SYCP1: variants seen among roughly 807,000 people sequenced by gnomAD.
SYCP1 encodes the protein cancer/testis antigen 8.
A neutral mutation model predicts 153.1 loss-of-function variants in SYCP1; 64 were observed. That is an observed-to-expected ratio of 0.42 (90% CI 0.34 to 0.51). SYCP1 has a LOEUF of 0.51. Among genes scored for constraint, SYCP1 ranks in the 20% least tolerant of loss-of-function variants. SYCP1 has a pLI of 0.06. For missense variants in SYCP1, 997 were observed against 1,049.0 expected, an observed-to-expected ratio of 0.95 and a Z score of 0.68; for synonymous variants, 384 against 341.8, an observed-to-expected ratio of 1.12 and a Z score of -1.36.
intron 27 of SYCP1, among the ~76,000 whole-genome samples, chr1:114,968,851 T>C (rs1423592419): frequency 6.6e-6 from 1 of 152,162 alleles, no homozygotes. Flanking sequence ...AGACCTTCAG[T>C]TGGGGTTTTT....
chr1:114,885,771 T>C, intron 13 of SYCP1, 142 bp downstream of exon 13: 1 of 557,430 alleles, frequency 1.8e-6, no homozygotes, highest in Non-Finnish European at 3.1e-6. Flanking sequence ...TGCAAAATGC[T>C]ATAGTTTAGA....
In SYCP1 at chr1:114,936,184, C is replaced by T. The variant is rs368160990; in HGVS notation, c.1927-8155C>T. Among the ~76,000 whole-genome samples, 78 of 152,278 alleles carry T rather than the reference C, an allele frequency of 5.1e-4. 2 individuals carry two copies. Among genetic ancestry groups the T allele is most frequent in the Middle Eastern group, 6.8e-3 (2 of 294 alleles). On this transcript the variant is annotated intron_variant, in intron 23 of 31. Coordinates refer to ENST00000369522, the MANE Select transcript of SYCP1 (RefSeq NM_003176.4). The stretch of plus-strand genomic sequence containing the variant: ...TACTGGCAAACCAAATCCAGCAGCA[C>T]ATCACAAAGCTTATCCACCACAATC...
chr1:114,893,958 G>A (rs1368808185), intron 15 of SYCP1, among the ~76,000 whole-genome samples: 1 of 150,326 alleles, frequency 6.7e-6, no homozygotes, highest in African/African-American at 2.4e-5. Context: ...TTGAATTAGT[G>A]TGAGTTGTTT....
intron 23 of SYCP1, among the ~76,000 whole-genome samples, chr1:114,927,932 T>C (rs896135113): frequency 5.9e-5 from 9 of 152,104 alleles, no homozygotes; most frequent in Non-Finnish European, 7.4e-5. Flanking sequence ...GTGATCCTCC[T>C]ACCTCAGCCT....
chr1:114,973,593 C>G (rs1355031535), intron 27 of SYCP1, among the ~76,000 whole-genome samples: 1 of 152,024 alleles, frequency 6.6e-6, no homozygotes, highest in Non-Finnish European at 1.5e-5. Context: ...TATATTGTGG[C>G]TCTCTTACTG....
Position 114,920,966 on chromosome 1 carries a change from T to A in SYCP1, c.1719-2483T>A, listed in dbSNP as rs1668826717. Among the ~76,000 whole-genome samples the A allele has an allele frequency of 2.6e-5, 4 of 152,162 alleles. No individual in the cohort carries two copies. In the South Asian group the frequency reaches 8.3e-4, roughly 32 times the overall value. On this transcript the variant is annotated intron_variant, in intron 20 of 31. Coordinates refer to ENST00000369522, the MANE Select transcript of SYCP1 (RefSeq NM_003176.4). ...TATGTCTTTTGATTGAAGAGTTTAG[T>A]CCATTTACATTCAATGTTATTATTG...
chr1:114,857,410 A>G (rs772522120), intron 4 of SYCP1, 34 bp from the exon 5 acceptor site: 2 of 1,567,980 alleles, frequency 1.3e-6, no homozygotes, highest in Non-Finnish European at 1.7e-6. Context: ...CTCTTATCAG[A>G]AGTATTTTCT....
Position 114,889,653 on chromosome 1 carries a change from G to C in SYCP1, c.1258+1960G>C, listed in dbSNP as rs1312753774. Among the ~76,000 whole-genome samples the C allele has an allele frequency of 2.0e-5, 3 of 152,204 alleles. No homozygotes were observed. In the East Asian group the frequency reaches 5.8e-4, roughly 29 times the overall value. ...AAAATTTTCTCCCATTCTGTAGGTT[G>C]CCTGTTCACTCTGATGGTAGTTTCT... On this transcript the variant is annotated intron_variant, in intron 15 of 31. Coordinates refer to ENST00000369522, the MANE Select transcript of SYCP1 (RefSeq NM_003176.4).
chr1:114,926,578 T>A lies in SYCP1; in HGVS notation c.1926+15T>A, dbSNP rs747796689. On this transcript the variant is annotated intron_variant, in intron 23 of 31. Coordinates refer to ENST00000369522, the MANE Select transcript of SYCP1 (RefSeq NM_003176.4). ...ATGAGATAAAGGTATTTGGCATCTT[T>A]ATTTTTGTTTTTTAAATACTAATAG... The A allele has an allele frequency of 9.5e-6, 15 of 1,579,484 alleles. No homozygotes were observed. Among genetic ancestry groups the A allele is most frequent in the Non-Finnish European group, 1.3e-5 (15 of 1,163,944 alleles).
At chr1:114,993,814 C>T (rs1674087354) in intron 30 of SYCP1, among the ~76,000 whole-genome samples, 3 of 151,336 alleles carry the variant, frequency 2.0e-5, no homozygotes, top group African/African-American at 7.3e-5. Context: ...GTAACCATCA[C>T]CACCATCCAG....
At chr1:114,874,693 A>G (rs752918744) in intron 9 of SYCP1, 129 bp downstream of exon 9, 5 of 553,068 alleles carry the variant, frequency 9.0e-6, no homozygotes, top group African/African-American at 5.9e-5. Context: ...ATATTATTGT[A>G]TCACTAATAA....
intron 16 of SYCP1, 199 bp from the exon 17 acceptor site, chr1:114,910,198 G>T: frequency 2.7e-6 from 1 of 372,164 alleles, no homozygotes. Context: ...TAATTATTGT[G>T]TTCCAGGGCT....
At position 114,876,685 on chromosome 1, in the gene SYCP1, A is replaced by G. The variant is rs1412745634; in HGVS notation, c.728-52A>G. The G allele has an allele frequency of 1.4e-5, 13 of 950,376 alleles. No homozygotes were observed. In the South Asian group the frequency reaches 3.3e-4, roughly 24 times the overall value. 58.9% of individuals were successfully genotyped at this position (950,376 alleles called of 1,614,324 possible). On this transcript the variant is annotated intron_variant, in intron 10 of 31. Coordinates refer to ENST00000369522, the MANE Select transcript of SYCP1 (RefSeq NM_003176.4). ...ACTTTAAATTTTGTTTGTAATAGAA[A>G]TGTTATAAAATTATGTTATGACATT... is the stretch of plus-strand genomic sequence containing the variant.
At chr1:114,875,680 C>T (rs1407278958) in intron 9 of SYCP1, among the ~76,000 whole-genome samples, 1 of 152,192 alleles carries the variant, frequency 6.6e-6, no homozygotes, top group Non-Finnish European at 1.5e-5. Flanking sequence ...CGAATGAACA[C>T]ATGCTGCCAG....
chr1:114,880,843 C>T (rs1271191529), intron 12 of SYCP1, among the ~76,000 whole-genome samples: 1 of 152,068 alleles, frequency 6.6e-6, no homozygotes, highest in Non-Finnish European at 1.5e-5. Context: ...CTACTCCACC[C>T]TCCCTAGAAA....
intron 23 of SYCP1, among the ~76,000 whole-genome samples, chr1:114,943,403 C>T (rs1557820675): frequency 1.3e-5 from 2 of 151,798 alleles, no homozygotes; most frequent in Non-Finnish European, 3.0e-5. Flanking sequence ...TAGAACACTA[C>T]TCAGCAGTGA....
At chr1:114,988,097 GAAAAA>G (rs1673654662) in intron 30 of SYCP1, among the ~76,000 whole-genome samples, 1 of 115,758 alleles carries the variant, frequency 8.6e-6, no homozygotes, top group African/African-American at 3.4e-5. Flanking sequence ...AAAAAAAAAA[GAAAAA>G]GAAAAGAAAA....
chr1:114,876,498 A>G (rs1665545233), intron 10 of SYCP1, among the ~76,000 whole-genome samples: 2 of 151,602 alleles, frequency 1.3e-5, no homozygotes. Flanking sequence ...GTTTTAGAGA[A>G]TAAAGTTTTA....
intron 28 of SYCP1, among the ~76,000 whole-genome samples, chr1:114,980,991 G>T (rs993042526): frequency 1.6e-4 from 24 of 151,826 alleles, no homozygotes; most frequent in Non-Finnish European, 4.4e-5. Context: ...GTGTCCATGT[G>T]TTCTCATGAT....
Sources: allele counts gnomAD v4.1 joint callset (sites outside exome capture counted in the v4.1 genomes callset), GRCh38; gene constraint gnomAD v4.1.1; transcripts MANE v1.5; gene names NCBI Gene and HGNC (gene_info 2026-07-23, HGNC 2026-07-21).